Variants in ARHGAP44 observed in about 807,000 individuals in gnomAD.
The protein encoded by ARHGAP44 is rho GTPase-activating protein 44.
ARHGAP44 carries 43 observed loss-of-function variants against 106.8 expected under a neutral mutation model. That is an observed-to-expected ratio of 0.40 (90% CI 0.32 to 0.52). ARHGAP44 has a LOEUF of 0.52. Among genes scored for constraint, ARHGAP44 ranks in the 20% least tolerant of loss-of-function variants. The pLI, the probability that ARHGAP44 is intolerant of heterozygous loss-of-function variation, is 0.48. For synonymous variants in ARHGAP44, 439 were observed against 410.3 expected, an observed-to-expected ratio of 1.07 and a Z score of -0.85; for missense variants, 866 against 1,050.5, an observed-to-expected ratio of 0.82 and a Z score of 2.43.
Position 12,984,840 on chromosome 17 carries a change from C to T in ARHGAP44, c.2249C>T (p.Ala750Val), listed in dbSNP as rs201315889. 7.2e-5 allele frequency: 116 copies of T among 1,613,872 alleles called. No individual in the cohort carries two copies. The highest frequency in any genetic ancestry group is 8.7e-5 in the Non-Finnish European group (103 of 1,179,906). The change falls in exon 20 of 21, where the codon GCC becomes GTC. Residue 750 changes from alanine to valine, a missense_variant. Ala to Val is a moderately conservative substitution (Grantham distance 64). Coordinates refer to ENST00000379672, the MANE Select transcript of ARHGAP44 (RefSeq NM_014859.6). ...CAGCCTCCCACAGTAAACCTCTCGG[C>T]CTCTAGTCCACAGTCCACGGAGGCC... ...PPQPPTVNLS[A>V]SSPQSTEAPM...
intron 1 of ARHGAP44, 72 bp from the exon 2 acceptor site, chr17:12,894,868 A>C: frequency 5.1e-6 from 7 of 1,372,368 alleles, no homozygotes; most frequent in Non-Finnish European, 7.1e-6. Flanking sequence ...CCTTAATTGA[A>C]GAGATTAGGG....
At chr17:12,983,043 A>T (rs1357697473) in intron 19 of ARHGAP44, 1 of 152,234 alleles carries the variant, frequency 6.6e-6, no homozygotes, top group African/African-American at 2.4e-5. Context: ...AGGCAGGTGG[A>T]TCATGAAGTC....
intron 17 of ARHGAP44, 114 bp from the exon 18 acceptor site, chr17:12,973,975 G>GCC (rs2039598474): frequency 1.7e-5 from 20 of 1,152,714 alleles, no homozygotes; most frequent in Non-Finnish European, 2.3e-5. Flanking sequence ...CCCCCGGGGT[G>GCC]CTAAAGCTGC....
intron 4 of ARHGAP44, among the ~76,000 whole-genome samples, chr17:12,914,298 G>C (rs2037836347): frequency 6.6e-6 from 1 of 152,200 alleles, no homozygotes; most frequent in Non-Finnish European, 1.5e-5. Flanking sequence ...CAAGGGCATA[G>C]GGCAATGGGA....
chr17:12,877,233 C>T (rs1295132057), intron 1 of ARHGAP44, among the ~76,000 whole-genome samples: 2 of 152,126 alleles, frequency 1.3e-5, no homozygotes, highest in Non-Finnish European at 2.9e-5. Flanking sequence ...TAGTTACTTA[C>T]TAAAGATGTT....
At chr17:12,831,536 C>G (rs1019429666) in intron 1 of ARHGAP44, among the ~76,000 whole-genome samples, 1 of 152,140 alleles carries the variant, frequency 6.6e-6, no homozygotes, top group Non-Finnish European at 1.5e-5. Context: ...AAAAAAATTA[C>G]AAAGGCTTGG....
At chr17:12,833,220 C>G (rs1416516252) in intron 1 of ARHGAP44, among the ~76,000 whole-genome samples, 1 of 152,186 alleles carries the variant, frequency 6.6e-6, no homozygotes. Flanking sequence ...CTGAGCATGA[C>G]TCTGAGTATC....
intron 1 of ARHGAP44, among the ~76,000 whole-genome samples, chr17:12,824,555 C>T (rs555687488): frequency 1.3e-5 from 2 of 152,128 alleles, no homozygotes; most frequent in East Asian, 1.9e-4. Flanking sequence ...AAACCTCGAC[C>T]CTACTTTCTT....
chr17:12,974,400 C>G, intron 18 of ARHGAP44, 90 bp downstream of exon 18: 2 of 1,099,396 alleles, frequency 1.8e-6, no homozygotes, highest in Non-Finnish European at 2.4e-6. Flanking sequence ...TGGATTTCGT[C>G]GTTTCCCATG....
At chr17:12,927,521 C>G (rs1275201942) in intron 6 of ARHGAP44, among the ~76,000 whole-genome samples, 1 of 152,204 alleles carries the variant, frequency 6.6e-6, no homozygotes, top group African/African-American at 2.4e-5. Context: ...CCCCAGAGCT[C>G]TCTTGTTTGG....
At position 12,846,344 on chromosome 17, in the gene ARHGAP44, C is replaced by T. The variant is rs144749111; in HGVS notation, c.54-48596C>T. ...CCCAGGCCCCCTGTGCCATAGGCAG[C>T]CCCCATCTATTAACAGTTACAATGG... On this transcript the variant is annotated intron_variant, in intron 1 of 20. Transcript: ENST00000379672. Among the ~76,000 whole-genome samples, 33 of 152,230 alleles carry T rather than the reference C, an allele frequency of 2.2e-4. No homozygotes were observed. In the East Asian group the frequency reaches 5.6e-3, roughly 26 times the overall value.
intron 1 of ARHGAP44, among the ~76,000 whole-genome samples, chr17:12,867,348 G>T (rs571061633): frequency 2.6e-5 from 4 of 152,040 alleles, no homozygotes; most frequent in Non-Finnish European, 4.4e-5. Flanking sequence ...TTATGAGTCC[G>T]TCATAGCCCT....
chr17:12,971,803 G>A (rs72815132), intron 16 of ARHGAP44, among the ~76,000 whole-genome samples: 10,899 of 152,164 alleles, frequency 0.072, 607 homozygotes, highest in African/African-American at 0.14. Context: ...GCCATCCAGC[G>A]GAGATGAGAA....
At chr17:12,904,619 C>T (rs1413668771) in intron 3 of ARHGAP44, among the ~76,000 whole-genome samples, 1 of 151,998 alleles carries the variant, frequency 6.6e-6, no homozygotes, top group Non-Finnish European at 1.5e-5. Context: ...CAAGACAGTT[C>T]CATAGGTAGT....
rs536675690 is a variant in ARHGAP44, at chr17:12,973,384, G to A, written c.1541+65G>A. On this transcript the variant is annotated intron_variant, in intron 17 of 20. Transcript: ENST00000379672. ...TCTTCAACTGAGCCACCTATGCATC[G>A]TAGTGAGTTCCACCAGAGGGTGAAT... 169 of 1,538,134 alleles carry A rather than the reference G, an allele frequency of 1.1e-4. 1 individual carries two copies. In the South Asian group the frequency reaches 1.3e-3, roughly 12 times the overall value.
chr17:12,846,138 T>A (rs899694563), intron 1 of ARHGAP44, among the ~76,000 whole-genome samples: 4 of 151,914 alleles, frequency 2.6e-5, no homozygotes, highest in Non-Finnish European at 5.9e-5. Flanking sequence ...TAAATTTAAG[T>A]ATATTCGAGG....
intron 20 of ARHGAP44, chr17:12,985,484 T>C (rs916956978): frequency 6.6e-6 from 1 of 152,264 alleles, no homozygotes; most frequent in African/African-American, 2.4e-5. Flanking sequence ...GAGGAGCTAA[T>C]TGGACAAACC....
At chr17:12,869,123 C>T (rs1280161594) in intron 1 of ARHGAP44, among the ~76,000 whole-genome samples, 2 of 151,954 alleles carry the variant, frequency 1.3e-5, no homozygotes, top group Non-Finnish European at 2.9e-5. Flanking sequence ...TCGAAAATAA[C>T]CTTGGGAAAG....
At chr17:12,859,969 G>C (rs2036020956) in intron 1 of ARHGAP44, among the ~76,000 whole-genome samples, 1 of 152,190 alleles carries the variant, frequency 6.6e-6, no homozygotes, top group African/African-American at 2.4e-5. Context: ...GCAGGCTCTG[G>C]GCTATAGGGG....
Sources: allele counts gnomAD v4.1 joint callset (sites outside exome capture counted in the v4.1 genomes callset), GRCh38; gene constraint gnomAD v4.1.1; transcripts MANE v1.5; gene names NCBI Gene and HGNC (gene_info 2026-07-23, HGNC 2026-07-21).